Variants in UMODL1 observed in about 807,000 individuals in gnomAD.
UMODL1 encodes the protein uromodulin-like 1.
In UMODL1, 128 loss-of-function variants were observed where a neutral mutation model predicts 136.3. The observed-to-expected ratio is 0.94, with a 90% CI of 0.81 to 1.09. The LOEUF (loss-of-function observed/expected upper bound fraction) is 1.09, where lower values mean the gene tolerates loss of function less well. Ranked by LOEUF, UMODL1 falls within the 50% of genes least tolerant of loss-of-function variation. The pLI, the probability that UMODL1 is intolerant of heterozygous loss-of-function variation, is 0.00. For missense variants in UMODL1, 1,766 were observed against 1,725.6 expected (o/e 1.02, Z -0.41); for synonymous variants, 721 against 720.0 (o/e 1.00, Z -0.02).
At chr21:42,096,211 C>T (rs1442118506) in intron 6 of UMODL1, among the ~76,000 whole-genome samples, 1 of 152,156 alleles carries the variant, frequency 6.6e-6, no homozygotes, top group Non-Finnish European at 1.5e-5. Flanking sequence ...AAGGGCCACA[C>T]AGATATTGGA....
At chr21:42,093,786 T>A (rs2066521087) in intron 6 of UMODL1, 2 of 426,784 alleles carry the variant, frequency 4.7e-6, no homozygotes, top group Admixed American at 5.1e-5. Flanking sequence ...GTTTTCACAG[T>A]GGTCATCCCC....
rs1403874639 is a variant in UMODL1 at position 42,086,588 on chromosome 21, T to A, written c.603+1176T>A. On this transcript the variant is annotated intron_variant, in intron 4 of 22. Coordinates refer to ENST00000408910, the MANE Select transcript of UMODL1 (RefSeq NM_001004416.3). ...AAACTAGCTCTGAAGCCACACTGCC[T>A]GGCCCTAGTGTTGCCACTCATCAGC... 41 of 455,426 alleles carry A rather than the reference T, an allele frequency of 9.0e-5. No homozygotes were observed. In the Admixed American group the frequency reaches 9.6e-4, roughly 11 times the overall value. The allele number at this position is 455,426 out of a possible 1,614,324, so 28.2% of individuals were successfully genotyped here. A position where few individuals can be genotyped will look rare whatever the true frequency, so the allele number is the denominator to read the frequency against.
At chr21:42,063,844 A>C (rs539360989) in intron 1 of UMODL1, among the ~76,000 whole-genome samples, 1 of 152,214 alleles carries the variant, frequency 6.6e-6, no homozygotes, top group South Asian at 2.1e-4. Context: ...AGCCGTGTGC[A>C]CCAGCCTCCC....
intron 5 of UMODL1, 81 bp downstream of exon 5, chr21:42,088,561 C>T: frequency 2.2e-6 from 3 of 1,356,934 alleles, no homozygotes; most frequent in East Asian, 2.5e-5. Flanking sequence ...GACGCTAAAG[C>T]CAGACCAGTC....
intron 2 of UMODL1, among the ~76,000 whole-genome samples, chr21:42,079,199 C>T (rs2066331323): frequency 6.6e-6 from 1 of 152,178 alleles, no homozygotes; most frequent in African/African-American, 2.4e-5. Context: ...CCAGCCCCAC[C>T]CATGCCCACC....
Position 42,123,545 on chromosome 21 carries a change from G to A in UMODL1, c.3147+395G>A, listed in dbSNP as rs1465003160. On this transcript the variant is annotated intron_variant, in intron 17 of 22. Transcript: ENST00000408910. The surrounding 1 kb of genome is among the most constrained non-coding windows in gnomAD (Gnocchi z 4.4). The stretch of plus-strand genomic sequence containing the variant: ...TGTCTGAATATGTCTGTGTATGTGG[G>A]GGTGTGCATGTGTGTGAATGTGTGT... Among the ~76,000 whole-genome samples the A allele has an allele frequency of 6.6e-6, 1 of 151,898 alleles. No homozygotes were observed. The highest frequency in any genetic ancestry group is 2.4e-5 in the African/African-American group (1 of 41,322).
chr21:42,089,273 A>G (rs1030083942), intron 5 of UMODL1, among the ~76,000 whole-genome samples: 11 of 152,294 alleles, frequency 7.2e-5, no homozygotes, highest in African/African-American at 2.4e-4. Flanking sequence ...AGCCTCTTCT[A>G]TGACACTGAG....
intron 14 of UMODL1, among the ~76,000 whole-genome samples, chr21:42,117,308 C>T (rs575789971): frequency 6.6e-6 from 1 of 152,316 alleles, no homozygotes; most frequent in Admixed American, 6.5e-5. Flanking sequence ...TGGGGCATAA[C>T]CCATGCAGTC....
intron 21 of UMODL1, among the ~76,000 whole-genome samples, chr21:42,135,296 A>T (rs2067190997): frequency 6.6e-6 from 1 of 152,150 alleles, no homozygotes; most frequent in Non-Finnish European, 1.5e-5. Context: ...CTTGCTCTCC[A>T]CTTCTAGCTA....
chr21:42,120,808 C>A, intron 15 of UMODL1: 1 of 301,178 alleles, frequency 3.3e-6, no homozygotes, highest in Non-Finnish European at 6.1e-6. Flanking sequence ...CTGGTTACTC[C>A]CGGGAACTGA....
chr21:42,077,012 T>A (rs1409814722), intron 2 of UMODL1, among the ~76,000 whole-genome samples: 3 of 68,784 alleles, frequency 4.4e-5, no homozygotes, highest in African/African-American at 2.9e-4. Context: ...GGTGTGTGTG[T>A]GTGTGTGTGT....
chr21:42,070,566 C>T (rs1253775302), upstream of UMODL1, among the ~76,000 whole-genome samples: 3 of 152,164 alleles, frequency 2.0e-5, no homozygotes, highest in East Asian at 1.9e-4. Flanking sequence ...AAATTGCATG[C>T]GTTGCTGTTT....
chr21:42,109,670 C>G lies in UMODL1; in HGVS notation c.1628C>G (p.Thr543Ser). The change falls in exon 10 of 23, where the codon ACC becomes AGC. Residue 543 changes from threonine (T) to serine (S), a missense_variant. By Grantham distance (58) the Thr-to-Ser change is moderately conservative. Coordinates refer to ENST00000408910, the MANE Select transcript of UMODL1 (RefSeq NM_001004416.3). ...TCQCRTTRDA[T>S]PSRAGRACEG... ...CAGTGCCGTACCACCAGGGACGCCA[C>G]CCCCTCCCGCGCAGGCCGGGCCTGT... is the stretch of plus-strand genomic sequence containing the variant. 3 of 1,606,228 alleles carry G rather than the reference C, an allele frequency of 1.9e-6. No homozygotes were observed. Among genetic ancestry groups the G allele is most frequent in the Non-Finnish European group, 1.7e-6 (2 of 1,179,976 alleles).
At chr21:42,131,093 A>G (rs972837496) in intron 21 of UMODL1, among the ~76,000 whole-genome samples, 29 of 152,200 alleles carry the variant, frequency 1.9e-4, no homozygotes, top group Non-Finnish European at 4.0e-4. Context: ...GATTACAGGC[A>G]TGAGCCACTG....
At chr21:42,124,544 C>A (rs182936124) in intron 17 of UMODL1, among the ~76,000 whole-genome samples, 1 of 151,956 alleles carries the variant, frequency 6.6e-6, no homozygotes, top group Non-Finnish European at 1.5e-5. Flanking sequence ...GTCAGGTGGG[C>A]AGGGATGGAA....
intron 9 of UMODL1, among the ~76,000 whole-genome samples, chr21:42,109,175 C>T (rs146600618): frequency 2.9e-3 from 447 of 152,194 alleles, no homozygotes; most frequent in Non-Finnish European, 5.3e-3. Context: ...GTGTCCCCAC[C>T]CCTGGCTCAG....
intron 2 of UMODL1, 39 bp from the exon 3 acceptor site, chr21:42,084,043 CTT>C: frequency 6.2e-7 from 1 of 1,600,302 alleles, no homozygotes. Context: ...TCAGGTTTGT[CTT>C]TTATCGCCAG....
intron 9 of UMODL1, chr21:42,108,661 C>T (rs974325914): frequency 4.4e-5 from 14 of 320,752 alleles, no homozygotes; most frequent in Non-Finnish European, 8.1e-5. Flanking sequence ...GGCACTGTCA[C>T]CTCCAGCAGG....
At chr21:42,128,961 G>T (rs938787549) in intron 20 of UMODL1, among the ~76,000 whole-genome samples, 2 of 152,104 alleles carry the variant, frequency 1.3e-5, no homozygotes, top group African/African-American at 4.8e-5. Context: ...GGTGTCAGCC[G>T]GCTGGTTCCC....
Sources: gnomAD v4.1 joint callset for allele counts (sites outside exome capture counted in the v4.1 genomes callset) on GRCh38, gnomAD v4.1.1 for gene constraint, Gnocchi (gnomAD v3.1) non-coding constraint, MANE v1.5 for transcripts, NCBI Gene and HGNC (gene_info 2026-07-23, HGNC 2026-07-21) for gene names.